GCNT1: variants seen among roughly 807,000 people sequenced by gnomAD.
GCNT1 encodes the protein beta-1,3-galactosyl-O-glycosyl-glycoprotein beta-1,6-N-acetylglucosaminyltransferase.
A neutral mutation model predicts 26.2 loss-of-function variants in GCNT1; 16 were observed. That is an observed-to-expected ratio of 0.61 (90% CI 0.41 to 0.93). GCNT1 has a LOEUF of 0.93. GCNT1 is among the 40% of genes least tolerant of loss of function. GCNT1 has a pLI of 0.00. For missense variants in GCNT1, 477 were observed against 526.7 expected, an observed-to-expected ratio of 0.91 and a Z score of 0.92; for synonymous variants, 183 against 190.8, an observed-to-expected ratio of 0.96 and a Z score of 0.34.
At chr9:76,475,135 CT>C (rs1331436738) in intron 2 of GCNT1, among the ~76,000 whole-genome samples, 1 of 152,188 alleles carries the variant, frequency 6.6e-6, no homozygotes, top group Non-Finnish European at 1.5e-5. Flanking sequence ...TCACATACCT[CT>C]TTTCATGTCA....
intron 1 of GCNT1, among the ~76,000 whole-genome samples, chr9:76,444,982 G>T (rs957484040): frequency 1.3e-5 from 2 of 152,208 alleles, no homozygotes; most frequent in African/African-American, 4.8e-5. Flanking sequence ...GTAAGAGGTT[G>T]TGAGAGAATA....
chr9:76,403,219 T>A, the GCNT1 span, among the ~76,000 whole-genome samples: 34 of 152,342 alleles, frequency 2.2e-4, no homozygotes, highest in East Asian at 4.4e-3. Context: ...ATTCATTCAC[T>A]GGCTGCTTTA....
intron 1 of GCNT1, among the ~76,000 whole-genome samples, chr9:76,432,959 A>G (rs1823357295): frequency 6.6e-6 from 1 of 151,964 alleles, no homozygotes; most frequent in Non-Finnish European, 1.5e-5. Flanking sequence ...ACCAATTAGC[A>G]TGCACTCCTG....
chr9:76,497,070 C>A (rs954584759), intron 2 of GCNT1, among the ~76,000 whole-genome samples: 2 of 152,196 alleles, frequency 1.3e-5, no homozygotes, highest in Admixed American at 6.5e-5. Flanking sequence ...TCTTACTCTT[C>A]TGTAGTTGTC....
chr9:76,402,093 CTT>C, the GCNT1 span, among the ~76,000 whole-genome samples: 1 of 152,174 alleles, frequency 6.6e-6, no homozygotes, highest in Non-Finnish European at 1.5e-5. Context: ...CAGTGGTTAA[CTT>C]TTGTCCTTCC....
intron 2 of GCNT1, among the ~76,000 whole-genome samples, chr9:76,474,298 A>G (rs185877485): frequency 1.0e-3 from 154 of 152,302 alleles, no homozygotes; most frequent in Non-Finnish European, 1.9e-3. Context: ...GTTACTGGGG[A>G]CAGTATAAGT....
chr9:76,429,819 A>G (rs1823310757), intron 1 of GCNT1, among the ~76,000 whole-genome samples: 1 of 145,990 alleles, frequency 6.8e-6, no homozygotes, highest in Non-Finnish European at 1.5e-5. Context: ...GGTTCCTGCC[A>G]TCCTCCTGCC....
At chr9:76,420,704 C>T (rs1020938261) in intron 1 of GCNT1, 1 of 152,086 alleles carries the variant, frequency 6.6e-6, no homozygotes, top group African/African-American at 2.4e-5. Flanking sequence ...GAGGCGGAGC[C>T]AGGAGGATCA....
At chr9:76,479,002 C>T (rs1389372409) in intron 2 of GCNT1, among the ~76,000 whole-genome samples, 1 of 152,006 alleles carries the variant, frequency 6.6e-6, no homozygotes, top group Non-Finnish European at 1.5e-5. Context: ...TGCTATCCAT[C>T]CCCCTTCCCC....
At chr9:76,491,347 G>GCCAC (rs1824732366) in intron 2 of GCNT1, among the ~76,000 whole-genome samples, 1 of 152,022 alleles carries the variant, frequency 6.6e-6, no homozygotes, top group Admixed American at 6.6e-5. Context: ...GTGTAAGACT[G>GCCAC]CCACCTCTTT....
intron 2 of GCNT1, among the ~76,000 whole-genome samples, chr9:76,482,609 G>A (rs1280414699): frequency 1.3e-5 from 2 of 151,878 alleles, no homozygotes; most frequent in African/African-American, 4.8e-5. Context: ...GGGCAACAGA[G>A]GGAGACTCCA....
chr9:76,470,919 G>A (rs1184153461), intron 2 of GCNT1, among the ~76,000 whole-genome samples: 1 of 152,084 alleles, frequency 6.6e-6, no homozygotes, highest in Non-Finnish European at 1.5e-5. Flanking sequence ...CAGACTTTGG[G>A]GCCCGCCAGG....
At chr9:76,421,686 G>GTTT (rs375605387) in intron 1 of GCNT1, among the ~76,000 whole-genome samples, 1,233 of 84,224 alleles carry the variant, frequency 0.015, 109 homozygotes, top group African/African-American at 0.047. Flanking sequence ...TTGTTTGTAG[G>GTTT]TTGTTTTTTT....
At chr9:76,483,900 G>A (rs1824492897) in intron 2 of GCNT1, among the ~76,000 whole-genome samples, 1 of 151,088 alleles carries the variant, frequency 6.6e-6, no homozygotes. Context: ...GGCTGATCTG[G>A]AACTCTTGGG....
At chr9:76,444,025 G>T (rs1823532304) in intron 1 of GCNT1, among the ~76,000 whole-genome samples, 1 of 152,034 alleles carries the variant, frequency 6.6e-6, no homozygotes, top group Non-Finnish European at 1.5e-5. Context: ...TGTTGAATTG[G>T]GTGTGTGCTT....
At chr9:76,422,716 C>G (rs1823211757) in intron 1 of GCNT1, among the ~76,000 whole-genome samples, 2 of 152,086 alleles carry the variant, frequency 1.3e-5, no homozygotes, top group African/African-American at 4.8e-5. Context: ...CCATGCCCAG[C>G]TAATTTTTGT....
intron 2 of GCNT1, among the ~76,000 whole-genome samples, chr9:76,493,933 A>G (rs866464678): frequency 2.0e-5 from 3 of 152,162 alleles, no homozygotes; most frequent in South Asian, 2.1e-4. Flanking sequence ...TAGTGCAGAA[A>G]AAAATAAGCC....
In GCNT1 at chr9:76,502,742, T is replaced by C. The variant is rs1002846487; in HGVS notation, c.361T>C (p.Phe121Leu). The C allele has an allele frequency of 4.3e-6, 7 of 1,613,916 alleles. No individual in the cohort carries two copies. In the African/African-American group the frequency reaches 8.0e-5, roughly 18 times the overall value. ...VEPLSKEEAE[F>L]PIAYSIVVHH... ...ACCCCTTAGTAAAGAAGAGGCGGAG[T>C]TTCCAATAGCATATTCTATAGTGGT... Residue 121 changes from phenylalanine (F) to leucine (L), a missense_variant, in exon 4 of 4, where the codon TTT becomes CTT. Phe to Leu is a conservative substitution (Grantham distance 22, BLOSUM62 0). Coordinates refer to ENST00000376730, the MANE Select transcript of GCNT1 (RefSeq NM_001490.5).
At chr9:76,394,328 G>C in the GCNT1 span, 1 of 617,526 alleles carries the variant, frequency 1.6e-6, no homozygotes. Flanking sequence ...CCGACCACAG[G>C]CCACTGCGAA....
Sources: gnomAD v4.1 joint callset for allele counts (sites outside exome capture counted in the v4.1 genomes callset) on GRCh38, gnomAD v4.1.1 for gene constraint, MANE v1.5 for transcripts, NCBI Gene and HGNC (gene_info 2026-07-23, HGNC 2026-07-21) for gene names.